The following LIMCH1 variants were observed in gnomAD, a reference collection of about 807,000 sequenced individuals.
LIMCH1 encodes LIM and calponin homology domains 1, also known as LIM and calponin homology domains-containing protein 1.
In LIMCH1, 113 loss-of-function variants were observed where a neutral mutation model predicts 176.5. The ratio of observed to expected loss-of-function variants is 0.64; its 90% CI spans 0.55 to 0.75. The LOEUF is 0.75. LIMCH1 is among the 30% of genes least tolerant of loss of function. The probability of loss-of-function intolerance (pLI) is 0.00; values close to 1 mark genes in which losing one functional copy is unlikely to be tolerated. For synonymous variants in LIMCH1, 619 were observed against 645.9 expected, an observed-to-expected ratio of 0.96 and a Z score of 0.63; for missense variants, 1,674 against 1,814.9, an observed-to-expected ratio of 0.92 and a Z score of 1.41.
intron 3 of LIMCH1, 90 bp downstream of exon 3, chr4:41,603,995 A>C (rs1309639361): frequency 2.2e-5 from 26 of 1,167,328 alleles, no homozygotes; most frequent in Non-Finnish European, 3.1e-5. Flanking sequence ...TTGCTGGAAA[A>C]AGTCCTTAGA....
chr4:41,603,285 TAGAG>T (rs33950065), intron 2 of LIMCH1, among the ~76,000 whole-genome samples: 17,100 of 152,088 alleles, frequency 0.11, 2,079 homozygotes, highest in African/African-American at 0.31. Context: ...TGTTTATAGT[TAGAG>T]AGTAAACATG....
intron 1 of LIMCH1, among the ~76,000 whole-genome samples, chr4:41,399,794 G>C (rs993735574): frequency 7.2e-6 from 1 of 138,704 alleles, no homozygotes; most frequent in Admixed American, 7.9e-5. Flanking sequence ...TGATTCTCCT[G>C]CTTCAGCCTC....
At chr4:41,529,976 T>G (rs976940236) in intron 3 of LIMCH1, among the ~76,000 whole-genome samples, 1 of 152,212 alleles carries the variant, frequency 6.6e-6, no homozygotes, top group Admixed American at 6.5e-5. Flanking sequence ...TACTTTTCTC[T>G]AATCAAAGAT....
Position 41,633,814 on chromosome 4 carries a change from A to G in LIMCH1, c.2090+6A>G. The G allele has an allele frequency of 6.5e-7, 1 of 1,534,850 alleles. No homozygotes were observed. Among genetic ancestry groups the G allele is most frequent in the Non-Finnish European group, 8.7e-7 (1 of 1,145,840 alleles). The stretch of plus-strand genomic sequence containing the variant: ...CTACCCATGAAAGATCAGAGGTCAG[A>G]AAGTTATTCTGTGCCCTTGTGACTT... On this transcript the variant is annotated splice_donor_region_variant and intron_variant, in intron 13 of 31. Coordinates refer to ENST00000503057, the MANE Select transcript of LIMCH1 (RefSeq NM_001330672.2).
chr4:41,470,114 AC>A (rs1340279478), intron 1 of LIMCH1, among the ~76,000 whole-genome samples: 3 of 152,116 alleles, frequency 2.0e-5, no homozygotes, highest in Admixed American at 1.3e-4. Context: ...TCCAATGGGC[AC>A]CCCTTACTTA....
chr4:41,531,566 C>T lies in LIMCH1; in HGVS notation c.237+7088C>T, dbSNP rs138890681. On this transcript the variant is annotated intron_variant, in intron 3 of 26. Transcript: ENST00000313860. ...TCCCAAACCTCTCTATGCCCAGTGA[C>T]CTCAAATCTTTGAGCCTCACACTGT... is the stretch of plus-strand genomic sequence containing the variant. Among the ~76,000 whole-genome samples the T allele has an allele frequency of 4.2e-4, 64 of 151,616 alleles. 1 individual carries two copies. The highest frequency in any genetic ancestry group is 5.2e-4 in the Non-Finnish European group (35 of 67,894).
At chr4:41,575,030 G>A (rs1209083644) in intron 1 of LIMCH1, among the ~76,000 whole-genome samples, 1 of 152,054 alleles carries the variant, frequency 6.6e-6, no homozygotes, top group Non-Finnish European at 1.5e-5. Context: ...TCCCAATTAT[G>A]TGAAATCACA....
chr4:41,444,306 A>G (rs373724002), intron 1 of LIMCH1, among the ~76,000 whole-genome samples: 11 of 70,344 alleles, frequency 1.6e-4, no homozygotes, highest in African/African-American at 7.5e-4. Flanking sequence ...GTGTGTGTGT[A>G]TATATATACA....
chr4:41,443,226 C>T (rs2062905230), intron 1 of LIMCH1, among the ~76,000 whole-genome samples: 1 of 41,620 alleles, frequency 2.4e-5, no homozygotes, highest in Non-Finnish European at 3.7e-5. Flanking sequence ...TTTTTTGAGA[C>T]GGAGTCTCGC....
intron 14 of LIMCH1, 85 bp downstream of exon 14, chr4:41,639,052 C>A (rs2093712178): frequency 2.0e-6 from 2 of 1,008,562 alleles, no homozygotes; most frequent in East Asian, 5.3e-5. Context: ...TGAAATGCAA[C>A]TGATGCAAGT....
chr4:41,505,738 T>G (rs774892590), intron 2 of LIMCH1, among the ~76,000 whole-genome samples: 1 of 152,170 alleles, frequency 6.6e-6, no homozygotes, highest in Non-Finnish European at 1.5e-5. Flanking sequence ...AGAGCTTTCT[T>G]GAAGACCCTT....
chr4:41,646,144 C>T lies in LIMCH1; in HGVS notation c.2275C>T (p.Arg759Cys), dbSNP rs973929095. The T allele has an allele frequency of 1.9e-6, 3 of 1,611,766 alleles. No homozygotes were observed. The highest frequency in any genetic ancestry group is 2.2e-5 in the East Asian group (1 of 44,850). ...CCAGGACCTGGCTCGTTGGAAGAGT[C>T]GTAGAAGAAGTGTTTCTCAGGACTT... The part of the protein sequence containing the change: ...WQDDLARWKS[R>C]RRSVSQDLIK... Residue 759 changes from arginine to cysteine, a missense_variant, in exon 16 of 32, where the codon CGT (arginine) becomes TGT (cysteine). By Grantham distance (180) the Arg-to-Cys change is radical (BLOSUM62 -3). Coordinates refer to ENST00000503057, the MANE Select transcript of LIMCH1 (RefSeq NM_001330672.2).
intron 1 of LIMCH1, among the ~76,000 whole-genome samples, chr4:41,392,792 A>C (rs2057385008): frequency 6.6e-6 from 1 of 152,094 alleles, no homozygotes; most frequent in Admixed American, 6.6e-5. Context: ...AGCCTGTGGG[A>C]GGCCGAGGCA....
chr4:41,383,492 A>G (rs1581299013), intron 1 of LIMCH1, among the ~76,000 whole-genome samples: 2 of 152,258 alleles, frequency 1.3e-5, no homozygotes, highest in Non-Finnish European at 1.5e-5. Context: ...GCTCTGGATT[A>G]AGAGAAAACT....
intron 5 of LIMCH1, among the ~76,000 whole-genome samples, chr4:41,618,226 G>A (rs190337217): frequency 1.2e-4 from 19 of 152,250 alleles, no homozygotes; most frequent in Admixed American, 1.0e-3. Flanking sequence ...TGAAGTGGCC[G>A]CTACTTATAT....
At chr4:41,527,576 C>T (rs1422437355) in intron 3 of LIMCH1, among the ~76,000 whole-genome samples, 1 of 152,198 alleles carries the variant, frequency 6.6e-6, no homozygotes, top group African/African-American at 2.4e-5. Flanking sequence ...TGGCTCACGC[C>T]TGTAATCCCA....
intron 17 of LIMCH1, among the ~76,000 whole-genome samples, chr4:41,648,702 T>TGTGTGTGTGTGTGTGTGTGTG (rs1585307021): frequency 6.8e-6 from 1 of 147,160 alleles, no homozygotes; most frequent in African/African-American, 2.6e-5. Flanking sequence ...TGTGTGTGTC[T>TGTGTGTGTGTGTGTGTGTGTG]TCTTGGAGGG....
intron 1 of LIMCH1, among the ~76,000 whole-genome samples, chr4:41,482,916 T>C (rs1208620122): frequency 2.0e-5 from 3 of 152,128 alleles, no homozygotes; most frequent in Non-Finnish European, 2.9e-5. Flanking sequence ...GCTGAGAATA[T>C]AAGGATTTTC....
intron 1 of LIMCH1, among the ~76,000 whole-genome samples, chr4:41,564,449 A>G (rs2082448402): frequency 6.6e-6 from 1 of 152,198 alleles, no homozygotes; most frequent in South Asian, 2.1e-4. Context: ...TATTGAGTAC[A>G]TAGTATGGTT....
Sources: gnomAD v4.1 joint callset for allele counts (sites outside exome capture counted in the v4.1 genomes callset) on GRCh38, gnomAD v4.1.1 for gene constraint, MANE v1.5 for transcripts, NCBI Gene and HGNC (gene_info 2026-07-23, HGNC 2026-07-21) for gene names.